Variants in MYO7B observed in about 807,000 individuals in gnomAD.
MYO7B encodes unconventional myosin-VIIb.
Under a neutral mutation model 259.7 loss-of-function variants are expected in MYO7B, and 212 were observed. That is an observed-to-expected ratio of 0.82 (90% CI 0.73 to 0.91). The LOEUF is 0.91. Ranked by LOEUF, MYO7B falls within the 40% of genes least tolerant of loss-of-function variation. MYO7B has a pLI of 0.00. For synonymous variants in MYO7B, 1,197 were observed against 1,166.4 expected (o/e 1.03, Z -0.54); for missense variants, 2,732 against 2,813.5 (o/e 0.97, Z 0.66).
intron 15 of MYO7B, among the ~76,000 whole-genome samples, chr2:127,589,857 CGGGTGGATGGGTGGGT>C (rs1485083248): frequency 3.9e-4 from 5 of 12,846 alleles, no homozygotes; most frequent in African/African-American, 1.2e-3. Context: ...GGGTGGTGGG[CGGGTGGATGGGTGGGT>C]GGGTGGATGG....
rs760584480 is a variant in MYO7B at position 127,582,443 on chromosome 2, A to T, written c.1340A>T (p.Asn447Ile). 1 of 1,612,832 alleles carries T rather than the reference A, an allele frequency of 6.2e-7. No homozygotes were observed. The highest frequency in any genetic ancestry group is 1.1e-5 in the South Asian group (1 of 90,720). The change falls in exon 12 of 48, where the codon AAT becomes ATT. Residue 447 changes from asparagine to isoleucine, a missense_variant. By Grantham distance (149) the Asn-to-Ile change is moderately radical. Around this residue, in one of 3 missense-constraint regions of MYO7B, gnomAD observed 1,906 missense variants for 2,026.4 expected, o/e 0.94. Coordinates refer to ENST00000409816, the MANE Select transcript of MYO7B (RefSeq NM_001393586.1). ...DIFGFENFENNSFEQLCINFA... is the reference protein window; with the variant it reads ...DIFGFENFENISFEQLCINFA... ...TTTGGCTTTGAAAATTTCGAGAACA[A>T]TAGGTATGAAGATCTCAGATCCCAG...
chr2:127,635,078 CT>C, intron 42 of MYO7B, 41 bp from the exon 43 acceptor site: 1 of 1,538,640 alleles, frequency 6.5e-7, no homozygotes, highest in South Asian at 1.1e-5. Context: ...GCTGGTGTAC[CT>C]GCTGGGACAG....
At chr2:127,575,519 T>G (rs1678831075) in intron 7 of MYO7B, among the ~76,000 whole-genome samples, 2 of 151,770 alleles carry the variant, frequency 1.3e-5, no homozygotes, top group Non-Finnish European at 2.9e-5. Flanking sequence ...AAGAGATATG[T>G]TTAGGTGAAA....
In MYO7B at chr2:127,630,684, C is replaced by T. The variant is rs1324900671; in HGVS notation, c.4807-94C>T. 5.1e-6 allele frequency: 8 copies of T among 1,562,110 alleles called. No individual in the cohort carries two copies. In the East Asian group the frequency reaches 1.8e-4, roughly 35 times the overall value. On this transcript the variant is annotated intron_variant, in intron 35 of 47. Coordinates refer to ENST00000409816, the MANE Select transcript of MYO7B (RefSeq NM_001393586.1). ...TGTTCAGCCCTGGGCCTGACCCCTCCCAAGTCACTGAGGCTGCCAGGCCGG... is the reference window on the plus strand; with the variant it reads ...TGTTCAGCCCTGGGCCTGACCCCTCTCAAGTCACTGAGGCTGCCAGGCCGG...
At position 127,569,859 on chromosome 2, in the gene MYO7B, C is replaced by T. The variant is rs1049600482; in HGVS notation, c.541C>T (p.Gln181Ter). ...GCAGTTCCTGGCCACCATCAGTGGC[C>T]AGCATTCGTGGATTGAGCAGCAGGT... Reference protein sequence around the residue: ...ILQFLATISGQHSWIEQQVLE... With the variant: ...ILQFLATISG The change falls in exon 6 of 48, where the codon CAG (glutamine) becomes TAG (stop). Residue 181 changes from glutamine (Q) to a stop codon, truncating the protein, a stop_gained. Coordinates refer to ENST00000409816, the MANE Select transcript of MYO7B (RefSeq NM_001393586.1). LOFTEE classifies it high-confidence loss of function. 2.5e-6 allele frequency: 4 copies of T among 1,613,444 alleles called. No homozygotes were observed. In the African/African-American group the frequency reaches 5.3e-5, roughly 22 times the overall value.
chr2:127,628,077 C>A lies in MYO7B; in HGVS notation c.4461-295C>A. ...TGGCAGAGCCGGCAGCTCATCTCAG[C>A]TCTGACCTTTGCAGTGTCCCTGCGG... On this transcript the variant is annotated intron_variant, in intron 33 of 47. Coordinates refer to ENST00000409816, the MANE Select transcript of MYO7B (RefSeq NM_001393586.1). The surrounding 1 kb of genome is among the most constrained non-coding windows in gnomAD (Gnocchi z 4.8). 1.7e-6 allele frequency: 1 copy of A among 592,694 alleles called. No individual in the cohort carries two copies. The highest frequency in any genetic ancestry group is 3.2e-6 in the Non-Finnish European group (1 of 314,844). 36.7% of individuals were successfully genotyped at this position (592,694 alleles called of 1,614,324 possible).
rs1052377261 is a variant in MYO7B at position 127,634,929 on chromosome 2, C to T, written c.5714-191C>T. 3.4e-5 allele frequency: 22 copies of T among 641,180 alleles called. No individual in the cohort carries two copies. Among genetic ancestry groups the T allele is most frequent in the Admixed American group, 2.0e-4 (8 of 40,732 alleles). The allele number at this position is 641,180 out of a possible 1,614,324, so 39.7% of individuals were successfully genotyped here. ...GCATGACCCTCATGGGCTGGGAGTG[C>T]GAGTCCAGGAATGTTCCTGGAGAAG... On this transcript the variant is annotated intron_variant, in intron 42 of 47. Transcript: ENST00000409816.
At position 127,546,583 on chromosome 2, in the gene MYO7B, A is replaced by G. The variant is rs1693235674; in HGVS notation, c.-24+10752A>G. 6.6e-6 allele frequency among the ~76,000 whole-genome samples: 1 copy of G among 152,198 alleles called. No individual in the cohort carries two copies. The highest frequency in any genetic ancestry group is 1.5e-5 in the Non-Finnish European group (1 of 68,034). On this transcript the variant is annotated intron_variant, in intron 1 of 47. Coordinates refer to ENST00000409816, the MANE Select transcript of MYO7B (RefSeq NM_001393586.1). This position sits in a 1 kb window ranked among gnomAD's most constrained non-coding sequence, Gnocchi z 4.2. ...CTCTTCTCAGGTGAAGGTAACCCTC[A>G]TTCTGGTCCCTGAGATTAGGTAGGA...
At chr2:127,594,874 C>T (rs1302099738) in intron 18 of MYO7B, among the ~76,000 whole-genome samples, 1 of 152,120 alleles carries the variant, frequency 6.6e-6, no homozygotes, top group African/African-American at 2.4e-5. Context: ...ATTCAGTTTG[C>T]CAGTATTTTA....
chr2:127,622,155 G>C, intron 28 of MYO7B, 54 bp downstream of exon 28: 1 of 1,515,640 alleles, frequency 6.6e-7, no homozygotes, highest in Non-Finnish European at 8.9e-7. Context: ...AGACCCCCAG[G>C]GACCCCCAGC....
intron 30 of MYO7B, among the ~76,000 whole-genome samples, chr2:127,624,820 G>A (rs532747672): frequency 6.6e-6 from 1 of 152,344 alleles, no homozygotes; most frequent in Admixed American, 6.5e-5. Context: ...TACCCCTGAA[G>A]TTCTGGGGGC....
intron 19 of MYO7B, among the ~76,000 whole-genome samples, chr2:127,598,273 G>T (rs891893517): frequency 2.6e-5 from 4 of 152,186 alleles, no homozygotes; most frequent in African/African-American, 9.7e-5. Context: ...ACCAGTATTT[G>T]ATGTTGTCAC....
chr2:127,555,434 T>A (rs1693602235), intron 1 of MYO7B, among the ~76,000 whole-genome samples: 1 of 152,156 alleles, frequency 6.6e-6, no homozygotes, highest in African/African-American at 2.4e-5. Flanking sequence ...TTCTGCTGGG[T>A]TTGGATTTGG....
chr2:127,616,399 C>T lies in MYO7B; in HGVS notation c.3398+3796C>T, dbSNP rs938015749. Among the ~76,000 whole-genome samples the T allele has an allele frequency of 6.6e-5, 10 of 152,102 alleles. No homozygotes were observed. In the South Asian group the frequency reaches 1.7e-3, roughly 25 times the overall value. ...TCCCTGACCTCCTCGCTTCTTCTTACGTAGAGAAGGGTACAATTTACAGGG... is the reference window on the plus strand; with the variant it reads ...TCCCTGACCTCCTCGCTTCTTCTTATGTAGAGAAGGGTACAATTTACAGGG... On this transcript the variant is annotated intron_variant, in intron 26 of 47. Transcript: ENST00000409816.
At chr2:127,552,322 G>A (rs962235539) in intron 1 of MYO7B, among the ~76,000 whole-genome samples, 19 of 152,200 alleles carry the variant, frequency 1.2e-4, no homozygotes, top group African/African-American at 4.6e-4. Context: ...AGGCTAGTTG[G>A]GGATGGAAAT....
intron 34 of MYO7B, among the ~76,000 whole-genome samples, chr2:127,629,206 G>T (rs1366688755): frequency 6.6e-6 from 1 of 152,210 alleles, no homozygotes; most frequent in African/African-American, 2.4e-5. Context: ...CAGCCGAGAT[G>T]TGCTGCCCTA....
chr2:127,624,119 C>T lies in MYO7B; in HGVS notation c.3846C>T (p.Asp1282=), dbSNP rs1280849296. 2.5e-6 allele frequency: 4 copies of T among 1,583,534 alleles called. No homozygotes were observed. The highest frequency in any genetic ancestry group is 2.6e-6 in the Non-Finnish European group (3 of 1,165,798). ...DKFWSLGSGR[D]HMMDAIARCE... ...TCTGGTCCCTGGGCAGCGGGCGCGA[C>T]CACATGATGGATGCCATCGCCCGGT... The change falls in exon 30 of 48, where the codon GAC becomes GAT. Residue 1282 remains aspartate (D), a synonymous_variant. Transcript: ENST00000409816.
chr2:127,570,793 T>G (rs1018153523), intron 6 of MYO7B, among the ~76,000 whole-genome samples: 1 of 151,552 alleles, frequency 6.6e-6, no homozygotes, highest in African/African-American at 2.4e-5. Context: ...CTGATTTGTC[T>G]TTCCCCCGCC....
At chr2:127,543,993 C>A (rs904642596) in intron 1 of MYO7B, among the ~76,000 whole-genome samples, 8 of 151,968 alleles carry the variant, frequency 5.3e-5, no homozygotes, top group Admixed American at 6.5e-5. Flanking sequence ...GATCTGCCTG[C>A]CTCTCCTGAC....
Sources: allele counts gnomAD v4.1 joint callset (sites outside exome capture counted in the v4.1 genomes callset), GRCh38; gene constraint gnomAD v4.1.1; regional missense constraint gnomAD v4.1.1; non-coding constraint Gnocchi (gnomAD v3.1); transcripts MANE v1.5; gene names NCBI Gene and HGNC (gene_info 2026-07-23, HGNC 2026-07-21).